The following ITFG1 variants were observed in gnomAD, a reference collection of about 807,000 sequenced individuals.
ITFG1 encodes the protein T-cell immunomodulatory protein.
Under a neutral mutation model 81.8 loss-of-function variants are expected in ITFG1, and 34 were observed. The observed-to-expected ratio is 0.42, with a 90% CI of 0.32 to 0.55. ITFG1 has a LOEUF of 0.55. Ranked by LOEUF, ITFG1 falls within the 20% of genes least tolerant of loss-of-function variation. ITFG1 has a pLI of 0.17. For synonymous variants in ITFG1, 285 were observed against 270.6 expected, an observed-to-expected ratio of 1.05 and a Z score of -0.52; for missense variants, 672 against 755.4, an observed-to-expected ratio of 0.89 and a Z score of 1.29.
At chr16:47,226,143 T>C (rs1482328350) in intron 13 of ITFG1, among the ~76,000 whole-genome samples, 1 of 152,210 alleles carries the variant, frequency 6.6e-6, no homozygotes, top group Non-Finnish European at 1.5e-5. Context: ...GCTGGATTAA[T>C]ATGAACTAGA....
chr16:47,298,773 CT>C (rs1967024873), intron 10 of ITFG1, among the ~76,000 whole-genome samples: 1 of 152,122 alleles, frequency 6.6e-6, no homozygotes, highest in Non-Finnish European at 1.5e-5. Flanking sequence ...GTTTTGGAGG[CT>C]GACCTGGTCA....
rs186953279 is a variant in ITFG1 at position 47,443,381 on chromosome 16, A to G, written c.560+8015T>C. 1.1e-3 allele frequency among the ~76,000 whole-genome samples: 164 copies of G among 152,316 alleles called. 4 individuals carry two copies. Among genetic ancestry groups the G allele is most frequent in the Admixed American group, 7.7e-3 (117 of 15,294 alleles). On this transcript the variant is annotated intron_variant, in intron 5 of 17. Coordinates refer to ENST00000320640, the MANE Select transcript of ITFG1 (RefSeq NM_030790.5). ...TAGAACTAGAAATACCATTTGACCC[A>G]GACGTCCCATTACTGGGTATATACC...
At chr16:47,290,465 A>G (rs1381122849) in intron 10 of ITFG1, among the ~76,000 whole-genome samples, 1 of 152,076 alleles carries the variant, frequency 6.6e-6, no homozygotes, top group African/African-American at 2.4e-5. Context: ...ATCTAAGAAT[A>G]TTTGCTTTAT....
At chr16:47,202,440 C>A (rs576591946) in intron 14 of ITFG1, 2 of 152,226 alleles carry the variant, frequency 1.3e-5, no homozygotes, top group South Asian at 4.1e-4. Context: ...AACATTAAAA[C>A]CCCTTCTCAT....
chr16:47,438,435 C>A (rs2151613212), intron 5 of ITFG1, among the ~76,000 whole-genome samples: 1 of 152,298 alleles, frequency 6.6e-6, no homozygotes, highest in Non-Finnish European at 1.5e-5. Flanking sequence ...GAGGCACCCC[C>A]CAGTAGGGGT....
At chr16:47,292,102 C>T (rs964927405) in intron 10 of ITFG1, among the ~76,000 whole-genome samples, 47 of 152,096 alleles carry the variant, frequency 3.1e-4, no homozygotes, top group Non-Finnish European at 5.3e-4. Context: ...CAACCTCCAC[C>T]TTCTGGTTTC....
At chr16:47,161,533 C>T (rs2151506388) in intron 16 of ITFG1, 1 of 371,216 alleles carries the variant, frequency 2.7e-6, no homozygotes, top group East Asian at 3.9e-5. Context: ...TAGTTAACCT[C>T]CTGTTTTTCT....
At chr16:47,330,407 C>G (rs1304574653) in intron 8 of ITFG1, among the ~76,000 whole-genome samples, 1 of 151,854 alleles carries the variant, frequency 6.6e-6, no homozygotes, top group Non-Finnish European at 1.5e-5. Context: ...ACTAAGTCCT[C>G]AAAAGCAAGT....
intron 5 of ITFG1, among the ~76,000 whole-genome samples, chr16:47,445,610 A>G (rs1291253639): frequency 7.2e-5 from 11 of 152,284 alleles, no homozygotes; most frequent in Middle Eastern, 3.4e-3. Context: ...TGCCGTGCCT[A>G]TATCAGGAGG....
intron 3 of ITFG1, among the ~76,000 whole-genome samples, 194 bp from the exon 4 acceptor site, chr16:47,452,984 T>C (rs1489521202): frequency 2.6e-5 from 4 of 152,204 alleles, no homozygotes; most frequent in African/African-American, 4.8e-5. Flanking sequence ...ATTGGGAGAA[T>C]ACATTCTACA....
chr16:47,213,193 AG>A (rs1244466983), intron 14 of ITFG1, among the ~76,000 whole-genome samples: 16 of 152,160 alleles, frequency 1.1e-4, no homozygotes, highest in Admixed American at 8.5e-4. Context: ...TTAAGTTTCA[AG>A]TGTTTAGAGA....
intron 10 of ITFG1, among the ~76,000 whole-genome samples, chr16:47,271,133 ACAT>A (rs1403052988): frequency 6.6e-6 from 1 of 152,204 alleles, no homozygotes; most frequent in African/African-American, 2.4e-5. Flanking sequence ...AATAAACTTG[ACAT>A]CATCAAGTTT....
chr16:47,319,734 G>A (rs1967419792), intron 8 of ITFG1, among the ~76,000 whole-genome samples: 1 of 152,144 alleles, frequency 6.6e-6, no homozygotes, highest in Admixed American at 6.5e-5. Flanking sequence ...TACTAGTGAA[G>A]TTTGGTGCTA....
intron 10 of ITFG1, among the ~76,000 whole-genome samples, chr16:47,275,024 GA>G (rs1369959651): frequency 6.6e-6 from 1 of 152,136 alleles, no homozygotes. Context: ...TAAGACTTAT[GA>G]ACAATAGAAT....
chr16:47,460,826 GC>G lies in ITFG1; in HGVS notation c.208+11del. 1.2e-6 allele frequency: 2 copies of G among 1,612,232 alleles called. No individual in the cohort carries two copies. Among genetic ancestry groups the G allele is most frequent in the South Asian group, 2.2e-5 (2 of 90,646 alleles). On this transcript the variant is annotated intron_variant, in intron 1 of 17. Transcript: ENST00000320640. The stretch of plus-strand genomic sequence containing the variant: ...GGACAGCGAACAGAGGGAGGGCCCG[GC>G]AAGCACTGACTTTCCCGCAGCACGA...
At chr16:47,381,498 C>T (rs114086990) in intron 6 of ITFG1, among the ~76,000 whole-genome samples, 22 of 152,098 alleles carry the variant, frequency 1.4e-4, no homozygotes, top group African/African-American at 4.6e-4. Flanking sequence ...ATAAAACATT[C>T]GTAGTATTTT....
intron 8 of ITFG1, among the ~76,000 whole-genome samples, chr16:47,334,189 C>A (rs1967673070): frequency 6.6e-6 from 1 of 152,198 alleles, no homozygotes; most frequent in Non-Finnish European, 1.5e-5. Context: ...CGGTTCATAT[C>A]TGTAATCCCA....
intron 12 of ITFG1, among the ~76,000 whole-genome samples, chr16:47,249,741 T>A (rs1444559486): frequency 6.6e-6 from 1 of 152,214 alleles, no homozygotes. Flanking sequence ...TGTTAAACCA[T>A]ACTGTATGTT....
At chr16:47,425,387 C>G (rs1042190202) in intron 6 of ITFG1, among the ~76,000 whole-genome samples, 4 of 152,148 alleles carry the variant, frequency 2.6e-5, no homozygotes, top group Admixed American at 6.5e-5. Context: ...AATCCCCTGA[C>G]CCCCTGCAGT....
Sources: allele counts gnomAD v4.1 joint callset (sites outside exome capture counted in the v4.1 genomes callset), GRCh38; gene constraint gnomAD v4.1.1; transcripts MANE v1.5; gene names NCBI Gene and HGNC (gene_info 2026-07-23, HGNC 2026-07-21).